MAP3K5: variants seen among roughly 807,000 people sequenced by gnomAD.
MAP3K5 encodes the protein mitogen-activated protein kinase kinase kinase 5.
MAP3K5 carries 56 observed loss-of-function variants against 158.7 expected under a neutral mutation model. That is an observed-to-expected ratio of 0.35 (90% CI 0.28 to 0.44). The LOEUF (loss-of-function observed/expected upper bound fraction) is 0.44, where lower values mean the gene tolerates loss of function less well. Ranked by LOEUF, MAP3K5 falls within the 20% of genes least tolerant of loss-of-function variation. MAP3K5 has a pLI of 1.00. For synonymous variants in MAP3K5, 579 were observed against 601.7 expected (o/e 0.96, Z 0.55); for missense variants, 1,294 against 1,674.8 (o/e 0.77, Z 3.97).
At chr6:136,738,390 A>G (rs1782565362) in intron 1 of MAP3K5, among the ~76,000 whole-genome samples, 6 of 152,126 alleles carry the variant, frequency 3.9e-5, no homozygotes, top group African/African-American at 1.4e-4. Flanking sequence ...GACTGTTTTA[A>G]CAGAAATACC....
At chr6:136,730,949 C>T (rs750576099) in intron 1 of MAP3K5, among the ~76,000 whole-genome samples, 1 of 152,108 alleles carries the variant, frequency 6.6e-6, no homozygotes, top group Non-Finnish European at 1.5e-5. Flanking sequence ...AAAAAGCATG[C>T]TATGTAGAAA....
At chr6:136,644,162 T>G (rs6905018) in intron 11 of MAP3K5, among the ~76,000 whole-genome samples, 27,564 of 151,966 alleles carry the variant, frequency 0.18, 2,792 homozygotes, top group African/African-American at 0.28. Context: ...GTAAAAATTG[T>G]GGACTGGTTT....
At position 136,609,352 on chromosome 6, in the gene MAP3K5, A is replaced by G. The variant is rs551737324; in HGVS notation, c.2521+1930T>C. ...GTACCCTAAAATATCCATTGCCCTGAGGTGGGAGCTGGGCCAGGGGTATTG... is the reference window on the plus strand; with the variant it reads ...GTACCCTAAAATATCCATTGCCCTGGGGTGGGAGCTGGGCCAGGGGTATTG... On this transcript the variant is annotated intron_variant, in intron 18 of 29. Coordinates refer to ENST00000359015, the MANE Select transcript of MAP3K5 (RefSeq NM_005923.4). This position sits in a 1 kb window ranked among gnomAD's most constrained non-coding sequence, Gnocchi z 4.4. Among the ~76,000 whole-genome samples, 4 of 152,286 alleles carry G rather than the reference A, an allele frequency of 2.6e-5. No individual in the cohort carries two copies. The highest frequency in any genetic ancestry group is 7.2e-5 in the African/African-American group (3 of 41,558).
rs141792784 is a variant in MAP3K5, at chr6:136,583,738, C to A, written c.3228G>T (p.Gly1076=). The change falls in exon 24 of 30, where the codon GGG becomes GGT. Residue 1076 remains glycine, a splice_region_variant and synonymous_variant. Transcript: ENST00000359015. ...CCCATTTTAGTTTCGGTTCTTCAGC[C>A]CCCTGTGAATAAAAATCAACAATCC... ...VRNLMESLAQ[G]AEEPKLKWEH... is the part of the protein sequence containing the mutation. The A allele has an allele frequency of 4.4e-5, 71 of 1,613,328 alleles. No individual in the cohort carries two copies. The highest frequency in any genetic ancestry group is 5.3e-5 in the African/African-American group (4 of 74,840).
chr6:136,585,254 T>C (rs1200187848), intron 23 of MAP3K5, among the ~76,000 whole-genome samples: 1 of 150,828 alleles, frequency 6.6e-6, no homozygotes, highest in Non-Finnish European at 1.5e-5. Context: ...CTAGGGACTA[T>C]AGGCATGTGC....
At chr6:136,564,531 T>C (rs1022924396) in intron 26 of MAP3K5, among the ~76,000 whole-genome samples, 3 of 152,212 alleles carry the variant, frequency 2.0e-5, no homozygotes, top group Admixed American at 1.3e-4. Context: ...TCTGTGTGAA[T>C]GTTTAAGTTG....
chr6:136,782,290 A>T (rs998623721), intron 1 of MAP3K5, among the ~76,000 whole-genome samples: 4 of 151,848 alleles, frequency 2.6e-5, no homozygotes, highest in Non-Finnish European at 5.9e-5. Flanking sequence ...AAAATAAAAA[A>T]AAAAAAAAAA....
chr6:136,560,417 T>G (rs1830454926), intron 28 of MAP3K5, among the ~76,000 whole-genome samples: 1 of 152,064 alleles, frequency 6.6e-6, no homozygotes, highest in Non-Finnish European at 1.5e-5. Flanking sequence ...AGGCAAAGAT[T>G]GCAGTGAGCT....
intron 19 of MAP3K5, among the ~76,000 whole-genome samples, chr6:136,604,248 G>A (rs760100779): frequency 7.2e-5 from 11 of 151,880 alleles, no homozygotes; most frequent in Non-Finnish European, 1.5e-4. Flanking sequence ...CTTGAACTCA[G>A]GAGACGGAGG....
intron 9 of MAP3K5, among the ~76,000 whole-genome samples, chr6:136,657,680 T>C (rs752861882): frequency 1.7e-4 from 26 of 152,116 alleles, no homozygotes; most frequent in Non-Finnish European, 2.9e-4. Flanking sequence ...AACTAAAGAA[T>C]GACAGAAACA....
chr6:136,778,917 G>A (rs569002035), intron 1 of MAP3K5, among the ~76,000 whole-genome samples: 2 of 152,164 alleles, frequency 1.3e-5, no homozygotes, highest in Non-Finnish European at 2.9e-5. Context: ...GCCAGTGCCA[G>A]CACTTTGGGG....
intron 1 of MAP3K5, among the ~76,000 whole-genome samples, chr6:136,722,722 A>G (rs527558352): frequency 7.6e-6 from 1 of 131,250 alleles, no homozygotes; most frequent in Non-Finnish European, 1.6e-5. Flanking sequence ...TTTGTTGCCC[A>G]TACTAGAGTG....
rs763427901 is a variant in MAP3K5 at position 136,611,354 on chromosome 6, C to T, written c.2449G>A (p.Val817Ile). The T allele has an allele frequency of 6.2e-7, 1 of 1,612,236 alleles. No homozygotes were observed. The highest frequency in any genetic ancestry group is 8.5e-7 in the Non-Finnish European group (1 of 1,178,538). The change falls in exon 18 of 30, where the codon GTT (valine) becomes ATT (isoleucine). Residue 817 changes from valine to isoleucine, a missense_variant. Coordinates refer to ENST00000359015, the MANE Select transcript of MAP3K5 (RefSeq NM_005923.4). ...DNVLINTYSG[V>I]LKISDFGTSK... ...GTTCCGAAGTCAGAGATCTTGAGAA[C>T]ACCACTGTAGGTATTAATCAACACA...
Position 136,756,955 on chromosome 6 carries a change from C to T in MAP3K5, c.448+34755G>A, listed in dbSNP as rs563564066. ...CATAGGCTTTCTCTTCAGAACCACACGAAGCTCAGAAGCAAAGCTCATTTT... is the reference window on the plus strand; with the variant it reads ...CATAGGCTTTCTCTTCAGAACCACATGAAGCTCAGAAGCAAAGCTCATTTT... On this transcript the variant is annotated intron_variant, in intron 1 of 29. Coordinates refer to ENST00000359015, the MANE Select transcript of MAP3K5 (RefSeq NM_005923.4). Among the ~76,000 whole-genome samples, 7 of 152,340 alleles carry T rather than the reference C, an allele frequency of 4.6e-5. No homozygotes were observed. The South Asian group carries it at 6.2e-4, about 14-fold the overall frequency.
intron 1 of MAP3K5, among the ~76,000 whole-genome samples, chr6:136,784,878 G>A (rs768670006): frequency 1.3e-5 from 2 of 152,090 alleles, no homozygotes; most frequent in African/African-American, 2.4e-5. Context: ...GTGGCTGGTT[G>A]TTGATTTTCT....
chr6:136,632,029 C>T (rs79060374), intron 14 of MAP3K5, among the ~76,000 whole-genome samples: 7,904 of 152,170 alleles, frequency 0.052, 231 homozygotes, highest in Middle Eastern at 0.075. Flanking sequence ...AAAATTAAGG[C>T]TTTGGTCACT....
intron 11 of MAP3K5, among the ~76,000 whole-genome samples, chr6:136,644,621 C>A (rs1778156485): frequency 6.6e-6 from 1 of 152,214 alleles, no homozygotes; most frequent in African/African-American, 2.4e-5. Context: ...GCTCCCTCAG[C>A]AACTGTCATT....
At chr6:136,729,871 A>G (rs1782134188) in intron 1 of MAP3K5, among the ~76,000 whole-genome samples, 1 of 152,256 alleles carries the variant, frequency 6.6e-6, no homozygotes. Flanking sequence ...GGATTCAGGG[A>G]CTTGGTGGCT....
At chr6:136,640,392 G>C (rs1583321920) in intron 12 of MAP3K5, among the ~76,000 whole-genome samples, 1 of 152,130 alleles carries the variant, frequency 6.6e-6, no homozygotes, top group East Asian at 1.9e-4. Flanking sequence ...GTAGTCCAGG[G>C]GGCACAGTTT....
Sources: allele counts gnomAD v4.1 joint callset (sites outside exome capture counted in the v4.1 genomes callset), GRCh38; gene constraint gnomAD v4.1.1; non-coding constraint Gnocchi (gnomAD v3.1); transcripts MANE v1.5; gene names NCBI Gene and HGNC (gene_info 2026-07-23, HGNC 2026-07-21).